The following SH2D4A variants were observed in gnomAD, a reference collection of about 807,000 sequenced individuals.
SH2D4A encodes SH2 domain-containing protein 4A.
A neutral mutation model predicts 64.7 loss-of-function variants in SH2D4A; 70 were observed. The ratio of observed to expected loss-of-function variants is 1.08; its 90% confidence interval spans 0.89 to 1.32. SH2D4A has a LOEUF of 1.32. Among genes scored for constraint, SH2D4A ranks in the 40% most tolerant of loss-of-function variants. The probability of loss-of-function intolerance (pLI) is 0.00; values close to 1 mark genes in which losing one functional copy is unlikely to be tolerated. For synonymous variants in SH2D4A, 268 were observed against 200.7 expected (o/e 1.34, Z -2.83); for missense variants, 706 against 540.1 (o/e 1.31, Z -3.04).
intron 2 of SH2D4A, among the ~76,000 whole-genome samples, chr8:19,329,970 C>T (rs889703546): frequency 1.2e-4 from 18 of 152,212 alleles, no homozygotes; most frequent in East Asian, 5.8e-4. Flanking sequence ...GTGCCTGACA[C>T]GTATTAGATA....
chr8:19,366,495 T>C (rs969078331), intron 7 of SH2D4A, among the ~76,000 whole-genome samples: 5 of 152,132 alleles, frequency 3.3e-5, no homozygotes, highest in African/African-American at 7.2e-5. Context: ...CACTGTTCCA[T>C]ACTTCTATAA....
Position 19,361,392 on chromosome 8 carries a change from A to C in SH2D4A, c.706+78A>C, listed in dbSNP as rs913006807. 3 of 1,414,480 alleles carry C rather than the reference A, an allele frequency of 2.1e-6. No individual in the cohort carries two copies. In the African/African-American group the frequency reaches 4.4e-5, roughly 21 times the overall value. 87.6% of individuals were successfully genotyped at this position (1,414,480 alleles called of 1,614,324 possible). On this transcript the variant is annotated intron_variant, in intron 6 of 9. Coordinates refer to ENST00000265807, the MANE Select transcript of SH2D4A (RefSeq NM_022071.4). ...CCCTTAATAATGTGATCAATCTAGA[A>C]AGCGCTTAATGTGGGTTGTTGAGAG... is the stretch of plus-strand genomic sequence containing the variant.
intron 3 of SH2D4A, 21 bp downstream of exon 3, chr8:19,333,135 C>A (rs769676319): frequency 6.3e-7 from 1 of 1,598,168 alleles, no homozygotes; most frequent in African/African-American, 1.4e-5. Flanking sequence ...TGCAAACCAA[C>A]CAGAGACTTA....
intron 8 of SH2D4A, among the ~76,000 whole-genome samples, chr8:19,388,983 T>A (rs150801750): frequency 1.3e-5 from 2 of 152,242 alleles, no homozygotes; most frequent in Non-Finnish European, 2.9e-5. Flanking sequence ...AGTACACAGA[T>A]GGAGGTAAGT....
At chr8:19,324,007 G>A (rs1210297373) in intron 2 of SH2D4A, among the ~76,000 whole-genome samples, 2 of 152,162 alleles carry the variant, frequency 1.3e-5, no homozygotes, top group East Asian at 1.9e-4. Flanking sequence ...TAAACTACAC[G>A]TAGAGCTTAA....
intron 1 of SH2D4A, 96 bp from the exon 2 acceptor site, chr8:19,319,248 A>G: frequency 1.1e-6 from 1 of 919,662 alleles, no homozygotes. Flanking sequence ...GAAAAGTGAT[A>G]CTGTGTTTCC....
intron 7 of SH2D4A, among the ~76,000 whole-genome samples, chr8:19,367,638 G>A (rs886281759): frequency 1.3e-5 from 2 of 152,224 alleles, no homozygotes; most frequent in African/African-American, 4.8e-5. Flanking sequence ...CAGATACATA[G>A]TTTATGAATA....
At chr8:19,381,356 G>A (rs1484975461) in intron 8 of SH2D4A, among the ~76,000 whole-genome samples, 2 of 152,088 alleles carry the variant, frequency 1.3e-5, no homozygotes, top group Non-Finnish European at 2.9e-5. Context: ...AGTCATCAGT[G>A]TTTTATAGTT....
intron 9 of SH2D4A, among the ~76,000 whole-genome samples, chr8:19,393,748 AG>A (rs1298356446): frequency 6.6e-6 from 1 of 152,168 alleles, no homozygotes; most frequent in Non-Finnish European, 1.5e-5. Context: ...TTAAATACTC[AG>A]GGAACCCCAC....
intron 5 of SH2D4A, among the ~76,000 whole-genome samples, chr8:19,358,442 G>A (rs149597272): frequency 6.6e-6 from 1 of 152,168 alleles, no homozygotes. Flanking sequence ...ATCCTGGGAG[G>A]ATGGAATTGG....
At chr8:19,318,121 G>C (rs895403242) in intron 1 of SH2D4A, among the ~76,000 whole-genome samples, 9 of 152,054 alleles carry the variant, frequency 5.9e-5, no homozygotes, top group African/African-American at 1.9e-4. Flanking sequence ...GGTCAGACTG[G>C]TCTCGAACTC....
At chr8:19,383,660 G>T (rs534949445) in intron 8 of SH2D4A, among the ~76,000 whole-genome samples, 2 of 151,910 alleles carry the variant, frequency 1.3e-5, no homozygotes, top group African/African-American at 4.8e-5. Context: ...ATTGTTATAG[G>T]CTTTCTCTAT....
At chr8:19,375,211 T>C (rs878936248) in intron 8 of SH2D4A, 2 of 151,868 alleles carry the variant, frequency 1.3e-5, no homozygotes, top group South Asian at 2.1e-4. Context: ...AATAAAACTG[T>C]ATAATTAATA....
chr8:19,346,254 G>C (rs538964738), intron 4 of SH2D4A, among the ~76,000 whole-genome samples: 1 of 152,304 alleles, frequency 6.6e-6, no homozygotes, highest in East Asian at 1.9e-4. Flanking sequence ...TCTGTGATCT[G>C]TTAGGAACCA....
intron 8 of SH2D4A, among the ~76,000 whole-genome samples, chr8:19,390,538 A>T (rs1241288947): frequency 1.3e-5 from 2 of 152,244 alleles, no homozygotes; most frequent in African/African-American, 4.8e-5. Flanking sequence ...TGACAGATGG[A>T]TTCATGACAA....
At chr8:19,383,829 TAAG>T (rs1417037071) in intron 8 of SH2D4A, among the ~76,000 whole-genome samples, 1 of 152,076 alleles carries the variant, frequency 6.6e-6, no homozygotes, top group African/African-American at 2.4e-5. Flanking sequence ...GGGAAAAAAT[TAAG>T]GAGGAGGGAT....
At chr8:19,340,187 A>G (rs550195685) in intron 4 of SH2D4A, among the ~76,000 whole-genome samples, 1 of 152,024 alleles carries the variant, frequency 6.6e-6, no homozygotes, top group Non-Finnish European at 1.5e-5. Context: ...GGAGGAACCA[A>G]AGGGGCCAGT....
rs1320013754 is a variant in SH2D4A, at chr8:19,314,181, ATCCGGCAGGGACACGCGGCGCGTGCT to A, written c.-205+362_-205+387del. 3.8e-4 allele frequency: 331 copies of A among 865,048 alleles called. 1 individual carries two copies. Among genetic ancestry groups the A allele is most frequent in the Non-Finnish European group, 4.6e-4 (319 of 699,002 alleles). The allele number at this position is 865,048 out of a possible 1,614,324, so 53.6% of individuals were successfully genotyped here. On this transcript the variant is annotated intron_variant, in intron 1 of 9. Transcript: ENST00000265807. ...TGAGGACCTTCGGGGAAGTTCTGGA[ATCCGGCAGGGACACGCGGCGCGTGCT>A]TCCACCCGCGGGGAGTGCAGGCCCC...
At chr8:19,335,000 C>A (rs1396570732) in intron 4 of SH2D4A, 143 bp downstream of exon 4, 3 of 1,017,398 alleles carry the variant, frequency 2.9e-6, no homozygotes, top group African/African-American at 3.3e-5. Context: ...TAAGATCCTC[C>A]AGGGCAGGCA....
Sources: allele counts gnomAD v4.1 joint callset (sites outside exome capture counted in the v4.1 genomes callset), GRCh38; gene constraint gnomAD v4.1.1; transcripts MANE v1.5; gene names NCBI Gene and HGNC (gene_info 2026-07-23, HGNC 2026-07-21).